Variants in FLT1 observed in about 807,000 individuals in gnomAD.
FLT1 encodes vascular endothelial growth factor receptor 1.
FLT1 carries 49 observed loss-of-function variants against 156.3 expected under a neutral mutation model. That is an observed-to-expected ratio of 0.31 (90% CI 0.25 to 0.40). The LOEUF is 0.40. FLT1 is among the 10% of genes least tolerant of loss of function. FLT1 has a pLI of 1.00. For missense variants in FLT1, 1,322 were observed against 1,637.2 expected (o/e 0.81, Z 3.32); for synonymous variants, 594 against 583.8 (o/e 1.02, Z -0.25).
chr13:28,402,728 C>A (rs1453130399), intron 11 of FLT1, among the ~76,000 whole-genome samples: 1 of 152,100 alleles, frequency 6.6e-6, no homozygotes, highest in Non-Finnish European at 1.5e-5. Flanking sequence ...TAAAGTAGTA[C>A]TTGTATAGGG....
chr13:28,362,239 T>G (rs751565199), intron 14 of FLT1, among the ~76,000 whole-genome samples: 5 of 152,224 alleles, frequency 3.3e-5, no homozygotes, highest in Non-Finnish European at 7.3e-5. Flanking sequence ...GCTAAGTCAC[T>G]TAATCTTTTT....
At chr13:28,489,417 G>T (rs907611925) in intron 1 of FLT1, among the ~76,000 whole-genome samples, 1 of 152,018 alleles carries the variant, frequency 6.6e-6, no homozygotes, top group Admixed American at 6.6e-5. Context: ...TAAGACATGG[G>T]GTCTCTACCA....
At chr13:28,405,591 T>C (rs1344091634) in intron 11 of FLT1, among the ~76,000 whole-genome samples, 189 bp downstream of exon 11, 1 of 152,260 alleles carries the variant, frequency 6.6e-6, no homozygotes, top group Non-Finnish European at 1.5e-5. Flanking sequence ...GTACTCATTA[T>C]GTTGGAACTG....
rs1870547103 is a variant in FLT1, at chr13:28,302,282, C to T, written c.*885G>A. On this transcript the variant is annotated 3_prime_UTR_variant, in exon 30 of 30. Transcript: ENST00000282397. ...GAATGTGACATTTTCAGTGTAAGGCCATCATGGCCTGGAGACAACCTAACT... is the reference window on the plus strand; with the variant it reads ...GAATGTGACATTTTCAGTGTAAGGCTATCATGGCCTGGAGACAACCTAACT... The T allele has an allele frequency of 4.3e-6, 1 of 233,100 alleles. No individual in the cohort carries two copies. Among genetic ancestry groups the T allele is most frequent in the South Asian group, 1.8e-4 (1 of 5,520 alleles). The allele number at this position is 233,100 out of a possible 1,614,324, so 14.4% of individuals were successfully genotyped here.
intron 1 of FLT1, among the ~76,000 whole-genome samples, chr13:28,494,370 G>C (rs2137682629): frequency 6.6e-6 from 1 of 152,206 alleles, no homozygotes; most frequent in East Asian, 1.9e-4. Context: ...CCGGCTCCGG[G>C]GGACCCTGCG....
intron 3 of FLT1, among the ~76,000 whole-genome samples, chr13:28,463,310 T>A (rs923385251): frequency 2.0e-5 from 3 of 152,206 alleles, no homozygotes; most frequent in Non-Finnish European, 4.4e-5. Flanking sequence ...AGATGTTACA[T>A]CCTAATCAGT....
At chr13:28,445,203 G>A (rs1383649312) in intron 3 of FLT1, among the ~76,000 whole-genome samples, 2 of 152,086 alleles carry the variant, frequency 1.3e-5, no homozygotes, top group Non-Finnish European at 2.9e-5. Flanking sequence ...AGGGCCAGGT[G>A]CAGTGGCTCA....
At chr13:28,318,555 G>C (rs11843026) in intron 24 of FLT1, among the ~76,000 whole-genome samples, 1,570 of 152,286 alleles carry the variant, frequency 0.01, 24 homozygotes, top group Middle Eastern at 0.041. Flanking sequence ...GAAGCAGCTG[G>C]GAGGCGTGCA....
At chr13:28,418,416 G>A (rs1202549385) in intron 10 of FLT1, among the ~76,000 whole-genome samples, 1 of 152,150 alleles carries the variant, frequency 6.6e-6, no homozygotes, top group Non-Finnish European at 1.5e-5. Flanking sequence ...CGACAGACAA[G>A]AGCAAACCTA....
intron 14 of FLT1, chr13:28,368,075 A>C (rs1186170072): frequency 1.4e-6 from 1 of 701,280 alleles, no homozygotes; most frequent in Non-Finnish European, 1.8e-6. Flanking sequence ...ATAAAGGATC[A>C]GGCTCAGAGT....
At chr13:28,348,881 C>CGCCACTGT (rs1565980981) in intron 15 of FLT1, among the ~76,000 whole-genome samples, 1 of 151,690 alleles carries the variant, frequency 6.6e-6, no homozygotes, top group African/African-American at 2.4e-5. Flanking sequence ...TGCGCCACTG[C>CGCCACTGT]ACTCCAGCCT....
chr13:28,342,085 G>A (rs775947281), intron 16 of FLT1, among the ~76,000 whole-genome samples: 2 of 152,070 alleles, frequency 1.3e-5, no homozygotes, highest in East Asian at 1.9e-4. Flanking sequence ...GTTTCACCAT[G>A]TTGGCCAGGC....
intron 1 of FLT1, among the ~76,000 whole-genome samples, chr13:28,482,185 G>A (rs1262317968): frequency 1.3e-5 from 2 of 152,146 alleles, no homozygotes; most frequent in Admixed American, 1.3e-4. Flanking sequence ...CGGGTGTGGT[G>A]GCTCACGCCT....
At chr13:28,428,392 T>C (rs1428688889) in intron 8 of FLT1, among the ~76,000 whole-genome samples, 1 of 151,990 alleles carries the variant, frequency 6.6e-6, no homozygotes, top group Non-Finnish European at 1.5e-5. Context: ...TTATAAATGG[T>C]CACACCAGTT....
intron 6 of FLT1, among the ~76,000 whole-genome samples, chr13:28,433,182 T>C (rs1261655153): frequency 6.6e-6 from 1 of 152,220 alleles, no homozygotes; most frequent in Non-Finnish European, 1.5e-5. Context: ...TGTCAAAATT[T>C]CCGTAACAGT....
chr13:28,461,794 C>G (rs1214198717), intron 3 of FLT1, among the ~76,000 whole-genome samples: 1 of 152,168 alleles, frequency 6.6e-6, no homozygotes, highest in African/African-American at 2.4e-5. Flanking sequence ...AATTCTACTG[C>G]TTTCAGTTAT....
intron 25 of FLT1, among the ~76,000 whole-genome samples, chr13:28,315,825 A>G (rs1871180485): frequency 6.6e-6 from 1 of 152,162 alleles, no homozygotes; most frequent in Admixed American, 6.5e-5. Flanking sequence ...TTCCTAATTC[A>G]TCAGCCGTGG....
chr13:28,474,529 C>CACAGA, intron 1 of FLT1, among the ~76,000 whole-genome samples: 1 of 145,098 alleles, frequency 6.9e-6, no homozygotes, highest in African/African-American at 2.8e-5. Flanking sequence ...CACACAAACC[C>CACAGA]CACAAATCAT....
intron 3 of FLT1, among the ~76,000 whole-genome samples, chr13:28,451,040 G>A (rs527932854): frequency 6.6e-6 from 1 of 152,186 alleles, no homozygotes; most frequent in African/African-American, 2.4e-5. Context: ...GACTCACCGC[G>A]GAAACCAAGC....
Sources: allele counts gnomAD v4.1 joint callset (sites outside exome capture counted in the v4.1 genomes callset), GRCh38; gene constraint gnomAD v4.1.1; transcripts MANE v1.5; gene names NCBI Gene and HGNC (gene_info 2026-07-23, HGNC 2026-07-21).